SLC14A2: variants seen among roughly 807,000 people sequenced by gnomAD.
The protein encoded by SLC14A2 is urea transporter 2.
Under a neutral mutation model 104.6 loss-of-function variants are expected in SLC14A2, and 91 were observed. The ratio of observed to expected loss-of-function variants is 0.87; its 90% CI spans 0.73 to 1.04. SLC14A2 has a LOEUF of 1.04. SLC14A2 is among the 50% of genes least tolerant of loss of function. The pLI, the probability that SLC14A2 is intolerant of heterozygous loss-of-function variation, is 0.00. For synonymous variants in SLC14A2, 476 were observed against 466.4 expected (o/e 1.02, Z -0.27); for missense variants, 1,189 against 1,156.0 (o/e 1.03, Z -0.41).
intron 1 of SLC14A2, among the ~76,000 whole-genome samples, chr18:45,331,324 C>T (rs1186613897): frequency 6.6e-6 from 1 of 152,190 alleles, no homozygotes; most frequent in Non-Finnish European, 1.5e-5. Context: ...CATGGAGCTG[C>T]TCTTCCCTCA....
chr18:45,665,393 A>G (rs2046001694), intron 11 of SLC14A2, among the ~76,000 whole-genome samples: 1 of 152,204 alleles, frequency 6.6e-6, no homozygotes, highest in Non-Finnish European at 1.5e-5. Context: ...CTAAAAGTAA[A>G]TTACCTGTAA....
chr18:45,222,647 A>C (rs1273436519), intron 1 of SLC14A2, among the ~76,000 whole-genome samples: 3 of 151,914 alleles, frequency 2.0e-5, no homozygotes, highest in African/African-American at 7.3e-5. Context: ...GGCAGAGGTG[A>C]GAAAGAGAAA....
intron 1 of SLC14A2, among the ~76,000 whole-genome samples, chr18:45,405,001 G>A (rs1225718270): frequency 6.6e-6 from 1 of 152,128 alleles, no homozygotes; most frequent in African/African-American, 2.4e-5. Flanking sequence ...ACTTCCACAT[G>A]GAACTTCTAG....
intron 1 of SLC14A2, among the ~76,000 whole-genome samples, chr18:45,454,138 G>A (rs1199901437): frequency 2.0e-5 from 3 of 152,118 alleles, no homozygotes; most frequent in Non-Finnish European, 4.4e-5. Context: ...GATTACAGGT[G>A]TGAGCCACTG....
intron 1 of SLC14A2, among the ~76,000 whole-genome samples, chr18:45,242,030 C>T (rs1165329305): frequency 3.3e-5 from 5 of 152,150 alleles, no homozygotes; most frequent in Non-Finnish European, 5.9e-5. Context: ...AAAACTTCTG[C>T]ATTCTACATG....
chr18:45,257,606 TG>T (rs1284596553), intron 1 of SLC14A2, among the ~76,000 whole-genome samples: 1 of 152,196 alleles, frequency 6.6e-6, no homozygotes, highest in African/African-American at 2.4e-5. Context: ...TGTTTCCAAT[TG>T]ATTTCTTTAT....
intron 1 of SLC14A2, among the ~76,000 whole-genome samples, chr18:45,334,504 A>AAGT (rs752176068): frequency 3.0e-4 from 45 of 152,180 alleles, no homozygotes; most frequent in Non-Finnish European, 4.9e-4. Context: ...ATAAGAAAGA[A>AAGT]AGTTCTTAAG....
At chr18:45,665,350 G>T (rs1123604) in intron 11 of SLC14A2, among the ~76,000 whole-genome samples, 122,013 of 152,120 alleles carry the variant, frequency 0.8, 49,481 homozygotes, top group Middle Eastern at 0.84. Context: ...ACATCTTTCA[G>T]GATGCATAAA....
the SLC14A2 span, among the ~76,000 whole-genome samples, chr18:45,204,389 T>C: frequency 1.1e-4 from 16 of 152,194 alleles, no homozygotes; most frequent in Non-Finnish European, 1.9e-4. Context: ...TCACCGTGTG[T>C]GATTGTAGAG....
Position 45,667,993 on chromosome 18 carries a change from C to G in SLC14A2, c.1878C>G (p.Thr626=), listed in dbSNP as rs907525161. 6.2e-7 allele frequency: 1 copy of G among 1,614,008 alleles called. No individual in the cohort carries two copies. Among genetic ancestry groups the G allele is most frequent in the Non-Finnish European group, 8.5e-7 (1 of 1,180,028 alleles). The change falls in exon 14 of 20, where the codon ACC becomes ACG. Residue 626 remains threonine, a synonymous_variant. Transcript: ENST00000255226. ...ISGCLGTIMS[T]LTALILSQDK... ...GCTGCCTGGGTACCATCATGTCCACCTTGACAGCCCTCATCCTGAGTCAGG... is the reference window on the plus strand; with the variant it reads ...GCTGCCTGGGTACCATCATGTCCACGTTGACAGCCCTCATCCTGAGTCAGG...
At chr18:45,672,870 A>G (rs771223690) in intron 16 of SLC14A2, 30 bp from the exon 17 acceptor site, 3 of 1,599,048 alleles carry the variant, frequency 1.9e-6, no homozygotes, top group Non-Finnish European at 2.6e-6. Flanking sequence ...TTGCCTCCAT[A>G]ATGAGCATGT....
rs60197753 is a variant in SLC14A2 at position 45,674,609 on chromosome 18, T to TA, written c.2512+805dup. Among the ~76,000 whole-genome samples the TA allele has an allele frequency of 3.1e-3, 439 of 143,838 alleles. 3 individuals are homozygous for TA. The highest frequency in any genetic ancestry group is 7.1e-3 in the African/African-American group (279 of 39,366). The allele number at this position is 143,838 out of a possible 152,430, so 94.4% of individuals were successfully genotyped here. A position where few individuals can be genotyped will look rare whatever the true frequency, so the allele number is the denominator to read the frequency against. On this transcript the variant is annotated intron_variant, in intron 18 of 19. Transcript: ENST00000255226. Reference sequence around the variant, plus strand: ...CTAAGGCCAGCACACTGTAGTTACTTAAAAAAAAAAAAAGTAGCTGTCATA... The same window carrying TA: ...CTAAGGCCAGCACACTGTAGTTACTTAAAAAAAAAAAAAAGTAGCTGTCATA...
intron 12 of SLC14A2, 121 bp from the exon 13 acceptor site, chr18:45,666,814 C>T (rs2170973): frequency 0.79 from 631,005 of 795,770 alleles, 253,913 homozygotes; most frequent in Non-Finnish European, 0.82. Flanking sequence ...GGAGGTTAAA[C>T]AGCAATTTAA....
At position 45,414,771 on chromosome 18, in the gene SLC14A2, T is replaced by A. The variant is rs1204983686; in HGVS notation, c.-124-68462T>A. ...AAAAAAAAAAAAATATATATATATA[T>A]ATATATATATATATATATATATATA... On this transcript the variant is annotated intron_variant, in intron 1 of 20. Transcript: ENST00000586448. 3.4e-3 allele frequency among the ~76,000 whole-genome samples: 230 copies of A among 68,434 alleles called. 6 individuals carry two copies. Among genetic ancestry groups the A allele is most frequent in the African/African-American group, 7.1e-3 (142 of 20,126 alleles). The allele number at this position is 68,434 out of a possible 152,430, so 44.9% of individuals were successfully genotyped here.
chr18:45,270,820 A>G (rs1218063208), intron 1 of SLC14A2, among the ~76,000 whole-genome samples: 3 of 152,164 alleles, frequency 2.0e-5, no homozygotes, highest in Non-Finnish European at 4.4e-5. Context: ...GCAATTGGCT[A>G]AGAGATGGAG....
At position 45,643,380 on chromosome 18, in the gene SLC14A2, G is replaced by GGT. The variant is rs377728344; in HGVS notation, c.1176+212_1176+213dup. Among the ~76,000 whole-genome samples, 9 of 151,930 alleles carry GGT rather than the reference G, an allele frequency of 5.9e-5. No individual in the cohort carries two copies. The South Asian group carries it at 8.3e-4, about 14-fold the overall frequency. On this transcript the variant is annotated intron_variant, in intron 9 of 19. Coordinates refer to ENST00000255226, the MANE Select transcript of SLC14A2 (RefSeq NM_007163.4). ...TACATGTACCTCTAGGAGAGGGAGG[G>GGT]GTGTGTGTGTGTGTTGAAAGATTGC...
chr18:45,560,330 T>C (rs972017905), intron 2 of SLC14A2, among the ~76,000 whole-genome samples: 2 of 152,162 alleles, frequency 1.3e-5, no homozygotes, highest in Non-Finnish European at 2.9e-5. Flanking sequence ...TAACTGACCA[T>C]TGCTCCACCA....
Position 45,665,384 on chromosome 18 carries a change from T to C in SLC14A2, c.1475-753T>C, listed in dbSNP as rs368892221. 7.9e-5 allele frequency among the ~76,000 whole-genome samples: 12 copies of C among 152,318 alleles called. No individual in the cohort carries two copies. The East Asian group carries it at 2.3e-3, about 29-fold the overall frequency. On this transcript the variant is annotated intron_variant, in intron 11 of 19. Transcript: ENST00000255226. ...AAACCCTACTGAAATTGGTGGTCTCTAAAAGTAAATTACCTGTAATAATAA... is the reference window on the plus strand; with the variant it reads ...AAACCCTACTGAAATTGGTGGTCTCCAAAAGTAAATTACCTGTAATAATAA...
At chr18:45,545,493 T>C (rs957763681) in intron 2 of SLC14A2, among the ~76,000 whole-genome samples, 1 of 152,224 alleles carries the variant, frequency 6.6e-6, no homozygotes, top group Non-Finnish European at 1.5e-5. Context: ...AGAGAACATA[T>C]GTCTGCAGCC....
Sources: gnomAD v4.1 joint callset for allele counts (sites outside exome capture counted in the v4.1 genomes callset) on GRCh38, gnomAD v4.1.1 for gene constraint, MANE v1.5 for transcripts, NCBI Gene and HGNC (gene_info 2026-07-23, HGNC 2026-07-21) for gene names.